The following GXYLT1 variants were observed in gnomAD, a reference collection of about 807,000 sequenced individuals.
GXYLT1 encodes glycosyltransferase 8 domain containing 3.
A neutral mutation model predicts 54.0 loss-of-function variants in GXYLT1; 29 were observed. The observed-to-expected ratio is 0.54, with a 90% confidence interval of 0.40 to 0.73. GXYLT1 has a LOEUF of 0.73. Ranked by LOEUF, GXYLT1 falls within the 30% of genes least tolerant of loss-of-function variation. GXYLT1 has a pLI of 0.00. For missense variants in GXYLT1, 490 were observed against 553.4 expected, an observed-to-expected ratio of 0.89 and a Z score of 1.15; for synonymous variants, 176 against 204.1, an observed-to-expected ratio of 0.86 and a Z score of 1.17.
At chr12:42,093,506 A>C (rs1203881690) in intron 7 of GXYLT1, among the ~76,000 whole-genome samples, 3 of 152,212 alleles carry the variant, frequency 2.0e-5, no homozygotes, top group Non-Finnish European at 2.9e-5. Flanking sequence ...ATAAAGAGGG[A>C]GTAGCCCCAT....
intron 7 of GXYLT1, among the ~76,000 whole-genome samples, chr12:42,089,459 A>G (rs1026780729): frequency 1.3e-5 from 2 of 152,218 alleles, no homozygotes; most frequent in African/African-American, 4.8e-5. Context: ...CACGTTGTGC[A>G]TATGTACCCT....
At chr12:42,112,898 T>A (rs58108857) in intron 3 of GXYLT1, among the ~76,000 whole-genome samples, 2,215 of 151,188 alleles carry the variant, frequency 0.015, 160 homozygotes, top group African/African-American at 0.05. Flanking sequence ...CGGGTTACCC[T>A]CAAAGGGAAG....
chr12:42,132,026 A>C lies in GXYLT1; in HGVS notation c.222-2175T>G, dbSNP rs2065596218. On this transcript the variant is annotated intron_variant, in intron 1 of 7. Coordinates refer to ENST00000398675, the MANE Select transcript of GXYLT1 (RefSeq NM_173601.2). ...AAACTCTACAACAGTGAAACATGGA[A>C]ATAGAAATCTCAAAAACAAATTCAA... Among the ~76,000 whole-genome samples the C allele has an allele frequency of 2.0e-5, 3 of 152,234 alleles. No homozygotes were observed. The South Asian group carries it at 6.2e-4, about 32-fold the overall frequency.
chr12:42,143,257 C>T (rs961989907), intron 1 of GXYLT1, among the ~76,000 whole-genome samples: 12 of 152,112 alleles, frequency 7.9e-5, no homozygotes, highest in African/African-American at 1.7e-4. Flanking sequence ...ACATACTAGG[C>T]CATAAACAGT....
At chr12:42,124,149 T>C (rs1356996503) in intron 2 of GXYLT1, among the ~76,000 whole-genome samples, 1 of 151,238 alleles carries the variant, frequency 6.6e-6, no homozygotes, top group Admixed American at 6.6e-5. Flanking sequence ...CCAGTGAAAA[T>C]ATATCTCTTA....
chr12:42,108,048 G>T (rs1389338050), intron 4 of GXYLT1, among the ~76,000 whole-genome samples: 3 of 152,112 alleles, frequency 2.0e-5, no homozygotes, highest in Non-Finnish European at 4.4e-5. Context: ...AAAAAATAAA[G>T]CACCAATTTA....
Position 42,111,718 on chromosome 12 carries a change from G to A in GXYLT1, c.487-2027C>T, listed in dbSNP as rs574836538. ...GGCTCCACCTCTGGGGGCAGGGCACGGACAAACAAAAAGACAGCAGTAACC... is the reference window on the plus strand; with the variant it reads ...GGCTCCACCTCTGGGGGCAGGGCACAGACAAACAAAAAGACAGCAGTAACC... On this transcript the variant is annotated intron_variant, in intron 3 of 7. Transcript: ENST00000398675. Among the ~76,000 whole-genome samples the A allele has an allele frequency of 9.6e-3, 1,460 of 152,254 alleles. 10 individuals are homozygous for A. Among genetic ancestry groups the A allele is most frequent in the African/African-American group, 0.022 (895 of 41,554 alleles).
At chr12:42,093,686 A>AT (rs1328673129) in intron 7 of GXYLT1, among the ~76,000 whole-genome samples, 1 of 151,978 alleles carries the variant, frequency 6.6e-6, no homozygotes, top group Non-Finnish European at 1.5e-5. Flanking sequence ...AATTTATTTT[A>AT]TTTTTTAGAG....
chr12:42,095,130 T>G (rs1403439254), intron 7 of GXYLT1, among the ~76,000 whole-genome samples: 1 of 152,142 alleles, frequency 6.6e-6, no homozygotes, highest in Non-Finnish European at 1.5e-5. Context: ...ATGACAAAAT[T>G]TTAAAAGCTT....
At chr12:42,101,463 G>A (rs1055193747) in intron 5 of GXYLT1, among the ~76,000 whole-genome samples, 6 of 152,110 alleles carry the variant, frequency 3.9e-5, no homozygotes, top group African/African-American at 1.4e-4. Context: ...GTGATTATGT[G>A]TAATGACATA....
chr12:42,139,089 GGGAAGCTAAGGT>G (rs1015596115), intron 1 of GXYLT1, among the ~76,000 whole-genome samples: 38 of 151,296 alleles, frequency 2.5e-4, no homozygotes, highest in African/African-American at 8.5e-4. Context: ...ACAGCTACTC[GGGAAGCTAAGGT>G]GGGAGGATCA....
At position 42,106,009 on chromosome 12, in the gene GXYLT1, G is replaced by A. The variant is rs61756690; in HGVS notation, c.673C>T (p.Pro225Ser). Reference protein sequence around the residue: ...YVDTDILFLRPVDDIWSLLKK... With the variant: ...YVDTDILFLRSVDDIWSLLKK... ...AGTAAAGACCAAATATCATCAACTG[G>A]TCGTAAAAAAAGGATATCAGTGTCG... is the stretch of plus-strand genomic sequence containing the variant. The change falls in exon 5 of 8, where the codon CCA becomes TCA. Residue 225 changes from proline to serine, a missense_variant. By Grantham distance (74) the Pro-to-Ser change is moderately conservative (BLOSUM62 -1). This residue lies in a region of GXYLT1 where 342 missense variants were observed against 342.6 expected (regional missense o/e 1.00). Transcript: ENST00000398675. 823 of 1,612,296 alleles carry A rather than the reference G, an allele frequency of 5.1e-4. 2 individuals are homozygous for A. Among genetic ancestry groups the A allele is most frequent in the Middle Eastern group, 3.5e-3 (21 of 6,056 alleles).
At chr12:42,106,699 T>C (rs991815360) in intron 4 of GXYLT1, among the ~76,000 whole-genome samples, 9 of 151,826 alleles carry the variant, frequency 5.9e-5, no homozygotes, top group African/African-American at 9.7e-5. Flanking sequence ...ATCTTCAACA[T>C]GTGCCTTCCC....
At chr12:42,091,253 ATAAT>A (rs546713367) in intron 7 of GXYLT1, among the ~76,000 whole-genome samples, 28 of 152,324 alleles carry the variant, frequency 1.8e-4, no homozygotes, top group East Asian at 1.3e-3. Flanking sequence ...AACACAGAAG[ATAAT>A]TAATCATCTG....
chr12:42,094,965 T>TA (rs1265168154), intron 7 of GXYLT1, among the ~76,000 whole-genome samples: 1 of 151,756 alleles, frequency 6.6e-6, no homozygotes, highest in African/African-American at 2.4e-5. Context: ...TAGTTATTTT[T>TA]AAAAAACTAT....
At chr12:42,134,022 C>T (rs762376880) in intron 1 of GXYLT1, among the ~76,000 whole-genome samples, 12 of 151,884 alleles carry the variant, frequency 7.9e-5, no homozygotes, top group Non-Finnish European at 1.6e-4. Context: ...CATGGCAAAA[C>T]CCCATCTCTA....
At chr12:42,088,619 T>A (rs1234137285) in intron 7 of GXYLT1, among the ~76,000 whole-genome samples, 1 of 152,170 alleles carries the variant, frequency 6.6e-6, no homozygotes, top group African/African-American at 2.4e-5. Context: ...TAAAATATAC[T>A]AATATCGAGA....
At chr12:42,134,457 T>C (rs2065608934) in intron 1 of GXYLT1, among the ~76,000 whole-genome samples, 1 of 152,182 alleles carries the variant, frequency 6.6e-6, no homozygotes, top group Non-Finnish European at 1.5e-5. Context: ...ACTATAAGCA[T>C]GTGCCACCAA....
chr12:42,136,048 T>A (rs188969050), intron 1 of GXYLT1, among the ~76,000 whole-genome samples: 12 of 152,306 alleles, frequency 7.9e-5, no homozygotes, highest in African/African-American at 2.6e-4. Flanking sequence ...CATAAAACAC[T>A]TAGGTATTGC....
Sources: gnomAD v4.1 joint callset for allele counts (sites outside exome capture counted in the v4.1 genomes callset) on GRCh38, gnomAD v4.1.1 for gene constraint, gnomAD v4.1.1 regional missense constraint, MANE v1.5 for transcripts, NCBI Gene and HGNC (gene_info 2026-07-23, HGNC 2026-07-21) for gene names.